FHIP1B: variants seen among roughly 807,000 people sequenced by gnomAD.
The protein encoded by FHIP1B is FHF complex subunit HOOK-interacting protein 1B.
In FHIP1B, 28 loss-of-function variants were observed where a neutral mutation model predicts 82.2. The ratio of observed to expected loss-of-function variants is 0.34; its 90% CI spans 0.25 to 0.47. The LOEUF (loss-of-function observed/expected upper bound fraction) is 0.47. Among genes scored for constraint, FHIP1B ranks in the 20% least tolerant of loss-of-function variants. The pLI is 1.00. For synonymous variants in FHIP1B, 585 were observed against 516.1 expected (o/e 1.13, Z -1.81); for missense variants, 1,110 against 1,262.6 (o/e 0.88, Z 1.83).
intron 6 of FHIP1B, 146 bp from the exon 7 acceptor site, chr11:6,219,196 C>T (rs1828486198): frequency 8.0e-6 from 5 of 624,942 alleles, no homozygotes; most frequent in Non-Finnish European, 1.5e-5. Context: ...CCATGCCTGG[C>T]ACATAAGTCA....
rs1217949414 is a variant in FHIP1B at position 6,217,991 on chromosome 11, G to A, written c.1595C>T (p.Ser532Phe). Residue 532 changes from serine to phenylalanine, a missense_variant, in exon 9 of 12, where the codon TCC becomes TTC. Physicochemically the swap from Ser to Phe is radical, Grantham distance 155 (BLOSUM62 -2). This residue lies in a region of FHIP1B where 418 missense variants were observed against 371.4 expected (regional missense o/e 1.13). Transcript: ENST00000449352. Reference sequence around the variant, plus strand: ...AGGGGTAGGCCGTCGGCCAGGGCTGGAGGCGGGGGATGCAGAAAGCCCTGG... The same window carrying A: ...AGGGGTAGGCCGTCGGCCAGGGCTGAAGGCGGGGGATGCAGAAAGCCCTGG... ...CSPGLSASPA[S>F]SPGRRPTPAE... 6.2e-7 allele frequency: 1 copy of A among 1,613,534 alleles called. No individual in the cohort carries two copies. Among genetic ancestry groups the A allele is most frequent in the Non-Finnish European group, 8.5e-7 (1 of 1,180,006 alleles).
chr11:6,228,689 T>C (rs1251109031), intron 1 of FHIP1B, among the ~76,000 whole-genome samples: 1 of 151,964 alleles, frequency 6.6e-6, no homozygotes, highest in African/African-American at 2.4e-5. Context: ...CCTCACTCAC[T>C]AGAAGAATGG....
intron 4 of FHIP1B, 22 bp from the exon 5 acceptor site, chr11:6,222,919 G>T: frequency 6.2e-7 from 1 of 1,611,832 alleles, no homozygotes; most frequent in Non-Finnish European, 8.5e-7. Context: ...CCAGAGAGAA[G>T]GGGGAGGGTT....
intron 1 of FHIP1B, among the ~76,000 whole-genome samples, chr11:6,228,230 A>ATCCCAGC (rs1413805957): frequency 6.6e-6 from 1 of 152,078 alleles, no homozygotes; most frequent in Non-Finnish European, 1.5e-5. Flanking sequence ...CACACCTGTA[A>ATCCCAGC]TCCCAGCTAC....
In FHIP1B at chr11:6,227,753, T is replaced by C. The variant is rs532252961; in HGVS notation, c.-191-3046A>G. Among the ~76,000 whole-genome samples the C allele has an allele frequency of 2.0e-4, 30 of 152,058 alleles. 1 individual carries two copies. Among genetic ancestry groups the C allele is most frequent in the Non-Finnish European group, 4.1e-4 (28 of 68,026 alleles). On this transcript the variant is annotated intron_variant, in intron 1 of 11. Coordinates refer to ENST00000449352, the MANE Select transcript of FHIP1B (RefSeq NM_001098794.2). ...ATCATGAAAGGAGGTAAGGGTAAAATCATGGGGAAAACCAGGACGTAGGAA... is the reference window on the plus strand; with the variant it reads ...ATCATGAAAGGAGGTAAGGGTAAAACCATGGGGAAAACCAGGACGTAGGAA...
chr11:6,223,533 T>C lies in FHIP1B; in HGVS notation c.777+77A>G. On this transcript the variant is annotated intron_variant, in intron 3 of 11. Coordinates refer to ENST00000449352, the MANE Select transcript of FHIP1B (RefSeq NM_001098794.2). This position sits in a 1 kb window ranked among gnomAD's most constrained non-coding sequence, Gnocchi z 4.8. ...GGAACGGGCCCTGGAACATAGCCTC[T>C]CCCCATCTCCTGGATAGGAAGGTGC... 6.7e-7 allele frequency: 1 copy of C among 1,490,136 alleles called. No homozygotes were observed. Among genetic ancestry groups the C allele is most frequent in the Non-Finnish European group, 9.0e-7 (1 of 1,110,396 alleles). The allele number at this position is 1,490,136 out of a possible 1,614,324, so 92.3% of individuals were successfully genotyped here.
In FHIP1B at chr11:6,223,738, C is replaced by G; in HGVS notation, c.649G>C (p.Val217Leu). 1 of 1,614,224 alleles carries G rather than the reference C, an allele frequency of 6.2e-7. No homozygotes were observed. The highest frequency in any genetic ancestry group is 1.1e-5 in the South Asian group (1 of 91,088). The change falls in exon 3 of 12, where the codon GTC becomes CTC. Residue 217 changes from valine to leucine, a missense_variant. Val to Leu is a conservative substitution (Grantham distance 32). Transcript: ENST00000449352. The surrounding 1 kb of genome is among the most constrained non-coding windows in gnomAD (Gnocchi z 4.8). Reference protein sequence around the residue: ...APRLLLFSRLVPFVHREGTLG... With the variant: ...APRLLLFSRLLPFVHREGTLG... ...GTGCCCTCTCGATGCACAAAAGGGA[C>G]AAGGCGAGAAAAGAGAAGAAGACGG...
intron 7 of FHIP1B, 55 bp downstream of exon 7, chr11:6,218,916 A>G (rs1847328404): frequency 1.5e-5 from 24 of 1,596,536 alleles, no homozygotes; most frequent in Non-Finnish European, 2.1e-5. Context: ...CCAGCAATGC[A>G]TAAGACTCTG....
At chr11:6,227,050 T>C (rs1278418853) in intron 1 of FHIP1B, among the ~76,000 whole-genome samples, 1 of 152,246 alleles carries the variant, frequency 6.6e-6, no homozygotes, top group Admixed American at 6.5e-5. Flanking sequence ...GTAATACCTC[T>C]GCCAATCAAT....
intron 6 of FHIP1B, among the ~76,000 whole-genome samples, chr11:6,221,049 C>T (rs325619): frequency 6.6e-6 from 1 of 152,064 alleles, no homozygotes; most frequent in African/African-American, 2.4e-5. Flanking sequence ...CAAAGATTCA[C>T]GAAATCTGAG....
intron 10 of FHIP1B, 80 bp from the exon 11 acceptor site, chr11:6,214,653 A>C: frequency 6.4e-7 from 1 of 1,550,396 alleles, no homozygotes; most frequent in Non-Finnish European, 8.7e-7. Flanking sequence ...GCCTGTTCCC[A>C]GCCCACCCAG....
intron 1 of FHIP1B, among the ~76,000 whole-genome samples, chr11:6,224,961 GT>G (rs1487726072): frequency 2.0e-5 from 3 of 152,114 alleles, no homozygotes; most frequent in African/African-American, 7.2e-5. Flanking sequence ...CATTATCCTT[GT>G]TTTTTCTTTT....
In FHIP1B at chr11:6,224,158, A is replaced by G. The variant is rs754653122; in HGVS notation, c.229T>C (p.Leu77=). ...GCACGGTCCTCTGCCAGCAGTGTCA[A>G]CATCTGGTAAGTGTGGTTGCGCACA... ...SAVRNHTYQM[L]TLLAEDRAVP... is the part of the protein sequence containing the mutation. Residue 77 remains leucine, a synonymous_variant, in exon 3 of 12, where the codon TTG becomes CTG. Transcript: ENST00000449352. The G allele has an allele frequency of 4.5e-5, 73 of 1,613,950 alleles. No homozygotes were observed. The South Asian group carries it at 7.4e-4, about 16-fold the overall frequency.
At position 6,218,896 on chromosome 11, in the gene FHIP1B, G is replaced by A. The variant is rs551678500; in HGVS notation, c.1271+75C>T. ...GAAACTCATGAGTAACCCCTATATA[G>A]CCCATTGCCCCAGCAATGCATAAGA... On this transcript the variant is annotated intron_variant, in intron 7 of 11. Coordinates refer to ENST00000449352, the MANE Select transcript of FHIP1B (RefSeq NM_001098794.2). 1.9e-6 allele frequency: 3 copies of A among 1,554,250 alleles called. No individual in the cohort carries two copies. In the East Asian group the frequency reaches 6.7e-5, roughly 35 times the overall value.
intron 6 of FHIP1B, 32 bp downstream of exon 6, chr11:6,222,410 C>T: frequency 6.2e-7 from 1 of 1,610,322 alleles, no homozygotes. Flanking sequence ...ATGGGTCATC[C>T]AGGTAAGCTA....
Position 6,217,644 on chromosome 11 carries a change from TC to T in FHIP1B, c.1941del (p.Lys648ArgfsTer14). 6.2e-7 allele frequency: 1 copy of T among 1,613,890 alleles called. No individual in the cohort carries two copies. Among genetic ancestry groups the T allele is most frequent in the Non-Finnish European group, 8.5e-7 (1 of 1,179,954 alleles). On this transcript the variant is annotated frameshift_variant, in exon 9 of 12. Transcript: ENST00000449352. LOFTEE classifies it high-confidence loss of function. Reference protein sequence around the residue: ...GVPGSWPEGAKKVRLVPKEGA... With the variant: ...GVPGSWPEGAXKVRLVPKEGA... ...CCCTCCTTTGGCACCAGACGAACCT[TC>T]TTGGCCCCCTCAGGCCATGATCCTG...
chr11:6,227,223 A>G, intron 1 of FHIP1B, among the ~76,000 whole-genome samples: 1 of 152,234 alleles, frequency 6.6e-6, no homozygotes, highest in East Asian at 1.9e-4. Context: ...CCAGCACTAC[A>G]CGAAGTAGCT....
At chr11:6,230,928 C>A (rs1288775990) in intron 1 of FHIP1B, among the ~76,000 whole-genome samples, 1 of 152,126 alleles carries the variant, frequency 6.6e-6, no homozygotes, top group African/African-American at 2.4e-5. Context: ...GCACACGAGA[C>A]TGGAGAGGTA....
intron 9 of FHIP1B, 147 bp downstream of exon 9, chr11:6,217,223 CG>C (rs1160910483): frequency 4.0e-6 from 3 of 743,220 alleles, no homozygotes; most frequent in Middle Eastern, 2.2e-4. Flanking sequence ...TGACATGACA[CG>C]TATCTGGAAG....
Sources: gnomAD v4.1 joint callset for allele counts (sites outside exome capture counted in the v4.1 genomes callset) on GRCh38, gnomAD v4.1.1 for gene constraint, gnomAD v4.1.1 regional missense constraint, Gnocchi (gnomAD v3.1) non-coding constraint, MANE v1.5 for transcripts, NCBI Gene and HGNC (gene_info 2026-07-23, HGNC 2026-07-21) for gene names.